The following NEK9 variants were observed in gnomAD, a reference collection of about 807,000 sequenced individuals.
NEK9 encodes serine/threonine-protein kinase Nek9.
NEK9 carries 75 observed loss-of-function variants against 123.4 expected under a neutral mutation model. The observed-to-expected ratio is 0.61, with a 90% CI of 0.50 to 0.74. The LOEUF (loss-of-function observed/expected upper bound fraction) is 0.74. Among genes scored for constraint, NEK9 ranks in the 30% least tolerant of loss-of-function variants. The probability of loss-of-function intolerance (pLI) is 0.00; values close to 1 mark genes in which losing one functional copy is unlikely to be tolerated. For missense variants in NEK9, 952 were observed against 1,214.4 expected, an observed-to-expected ratio of 0.78 and a Z score of 3.21; for synonymous variants, 438 against 458.7, an observed-to-expected ratio of 0.95 and a Z score of 0.58.
In NEK9 at chr14:75,126,835, A is replaced by C; in HGVS notation, c.87T>G (p.Ser29Arg). 6.5e-7 allele frequency: 1 copy of C among 1,533,372 alleles called. No homozygotes were observed. The highest frequency in any genetic ancestry group is 8.8e-7 in the Non-Finnish European group (1 of 1,140,512). The allele number at this position is 1,533,372 out of a possible 1,614,324, so 95.0% of individuals were successfully genotyped here. A position where few individuals can be genotyped will look rare whatever the true frequency, so the allele number is the denominator to read the frequency against. Residue 29 changes from serine to arginine, a missense_variant, in exon 1 of 22, where the codon AGT (serine) becomes AGG (arginine). Around this residue, in one of 4 missense-constraint regions of NEK9, gnomAD observed 120 missense variants for 97.6 expected, o/e 1.23. Transcript: ENST00000238616. ...GSESGGCGDS[S>R]PGPSASQGPR... Reference sequence around the variant, plus strand: ...GCCCCTGACTGGCGCTAGGCCCCGGACTCGAGTCCCCGCAACCCCCGGACT... The same window carrying C: ...GCCCCTGACTGGCGCTAGGCCCCGGCCTCGAGTCCCCGCAACCCCCGGACT...
At chr14:75,088,929 AG>A (rs1894116788) in intron 19 of NEK9, among the ~76,000 whole-genome samples, 1 of 152,192 alleles carries the variant, frequency 6.6e-6, no homozygotes, top group South Asian at 2.1e-4. Flanking sequence ...GGGCGCTCCA[AG>A]GAAGTGTCAG....
intron 16 of NEK9, 26 bp from the exon 17 acceptor site, chr14:75,097,296 C>T (rs957775780): frequency 1.3e-6 from 2 of 1,547,756 alleles, no homozygotes; most frequent in Non-Finnish European, 1.7e-6. Flanking sequence ...AACAGTAGAC[C>T]ATTTAACAGA....
At chr14:75,089,352 C>A (rs140875325) in intron 19 of NEK9, among the ~76,000 whole-genome samples, 1,618 of 151,930 alleles carry the variant, frequency 0.011, 27 homozygotes, top group African/African-American at 0.038. Flanking sequence ...TTCAGCCTCC[C>A]AAGTAGCTGG....
Position 75,103,929 on chromosome 14 carries a change from G to C in NEK9, c.1644C>G (p.Thr548=). ...QCGCDGTFLL[T]QSGKVLACGL... ...CACAGGCCAGCACTTTGCCTGACTGGGTCAACAGAAATGTCCCATCACAGC... is the reference window on the plus strand; with the variant it reads ...CACAGGCCAGCACTTTGCCTGACTGCGTCAACAGAAATGTCCCATCACAGC... The change falls in exon 14 of 22, where the codon ACC becomes ACG. Residue 548 remains threonine, a synonymous_variant. Transcript: ENST00000238616. 1.2e-6 allele frequency: 2 copies of C among 1,613,900 alleles called. No homozygotes were observed. Among genetic ancestry groups the C allele is most frequent in the Non-Finnish European group, 1.7e-6 (2 of 1,180,000 alleles).
chr14:75,126,927 C>T lies in NEK9; in HGVS notation c.-6G>A. The T allele has an allele frequency of 4.1e-6, 6 of 1,456,056 alleles. No homozygotes were observed. The highest frequency in any genetic ancestry group is 4.6e-6 in the Non-Finnish European group (5 of 1,097,628). The allele number at this position is 1,456,056 out of a possible 1,614,324, so 90.2% of individuals were successfully genotyped here. Reference sequence around the variant, plus strand: ...TACTCGCCCAGCACCGACATGGCGGCGGCCGCGGGCCTTGGGGACCAGCCT... The same window carrying T: ...TACTCGCCCAGCACCGACATGGCGGTGGCCGCGGGCCTTGGGGACCAGCCT... On this transcript the variant is annotated 5_prime_UTR_variant, in exon 1 of 22. Transcript: ENST00000238616.
chr14:75,126,093 T>C (rs1895514667), intron 1 of NEK9, among the ~76,000 whole-genome samples: 1 of 152,166 alleles, frequency 6.6e-6, no homozygotes, highest in Non-Finnish European at 1.5e-5. Flanking sequence ...GCTTAGAATA[T>C]ACCAACAAAG....
intron 20 of NEK9, 133 bp from the exon 21 acceptor site, chr14:75,087,363 G>GAT: frequency 1.6e-6 from 1 of 633,024 alleles, no homozygotes; most frequent in Non-Finnish European, 2.7e-6. Context: ...ATGAATATAT[G>GAT]TACGAGAAAC....
intron 6 of NEK9, among the ~76,000 whole-genome samples, chr14:75,115,056 C>A (rs1034976343): frequency 9.5e-6 from 1 of 105,362 alleles, no homozygotes; most frequent in Non-Finnish European, 2.0e-5. Context: ...TGTACATGTA[C>A]ACACACGTGT....
Position 75,113,520 on chromosome 14 carries a change from A to G in NEK9, c.874-117T>C, listed in dbSNP as rs557281116. On this transcript the variant is annotated intron_variant, in intron 7 of 21. Coordinates refer to ENST00000238616, the MANE Select transcript of NEK9 (RefSeq NM_033116.6). ...CCTTTTGTTTTAAAAATCATTTCTT[A>G]TGTGATACTCCATATTTTATGCTTC... 6 of 705,684 alleles carry G rather than the reference A, an allele frequency of 8.5e-6. No homozygotes were observed. In the Admixed American group the frequency reaches 1.3e-4, roughly 15 times the overall value. The allele number at this position is 705,684 out of a possible 1,614,324, so 43.7% of individuals were successfully genotyped here.
In NEK9 at chr14:75,084,676, T is replaced by G. The variant is rs754880645; in HGVS notation, c.2828A>C (p.His943Pro). Residue 943 changes from histidine (H) to proline (P), a missense_variant, in exon 22 of 22, where the codon CAT becomes CCT. His to Pro is a moderately conservative substitution (Grantham distance 77). Coordinates refer to ENST00000238616, the MANE Select transcript of NEK9 (RefSeq NM_033116.6). ...CTTTGCTGTCTGAGTTCCTTTGGAATGCATCCCCACCTGTCCGGATAAAAC... is the reference window on the plus strand; with the variant it reads ...CTTTGCTGTCTGAGTTCCTTTGGAAGGCATCCCCACCTGTCCGGATAAAAC... ...KLEGGQQVGM[H>P]SKGTQTAKEE... 6.2e-7 allele frequency: 1 copy of G among 1,614,004 alleles called. No homozygotes were observed. Among genetic ancestry groups the G allele is most frequent in the South Asian group, 1.1e-5 (1 of 91,086 alleles).
At chr14:75,121,826 C>G (rs1394448909) in intron 2 of NEK9, among the ~76,000 whole-genome samples, 1 of 152,180 alleles carries the variant, frequency 6.6e-6, no homozygotes, top group Middle Eastern at 3.4e-3. Flanking sequence ...GCTGGGATCG[C>G]ACCACTGCAC....
In NEK9 at chr14:75,080,327, T is replaced by TC. The variant is rs1393978316; in HGVS notation, c.*4236dup. The TC allele has an allele frequency of 1.9e-4, 17 of 89,524 alleles. No individual in the cohort carries two copies. In the South Asian group the frequency reaches 7.3e-3, roughly 38 times the overall value. The allele number at this position is 89,524 out of a possible 1,614,324, so 5.5% of individuals were successfully genotyped here. On this transcript the variant is annotated 3_prime_UTR_variant, in exon 22 of 22. Transcript: ENST00000238616. Reference sequence around the variant, plus strand: ...CCTGGTGACCTAGTAAGAATCCATCTCAAAAAAAAAAAAAGAAAAAAAAAA... The same window carrying TC: ...CCTGGTGACCTAGTAAGAATCCATCTCCAAAAAAAAAAAAAGAAAAAAAAAA...
intron 21 of NEK9, 105 bp downstream of exon 21, chr14:75,086,913 A>G: frequency 8.2e-7 from 1 of 1,213,470 alleles, no homozygotes; most frequent in Non-Finnish European, 1.2e-6. Context: ...TCAAAAAAAA[A>G]GTAAGGACCT....
intron 2 of NEK9, among the ~76,000 whole-genome samples, chr14:75,122,021 T>C (rs1194004151): frequency 6.6e-6 from 1 of 152,246 alleles, no homozygotes; most frequent in Non-Finnish European, 1.5e-5. Context: ...CTTTACTAAT[T>C]TCTTCCTGTG....
At chr14:75,087,538 TAGGG>T (rs928966363) in intron 20 of NEK9, among the ~76,000 whole-genome samples, 4 of 152,144 alleles carry the variant, frequency 2.6e-5, no homozygotes, top group Non-Finnish European at 4.4e-5. Context: ...AATGCTGAAG[TAGGG>T]AAAAGCATGA....
At chr14:75,112,925 T>G (rs1304803004) in intron 8 of NEK9, among the ~76,000 whole-genome samples, 1 of 152,244 alleles carries the variant, frequency 6.6e-6, no homozygotes, top group Non-Finnish European at 1.5e-5. Context: ...TTATGCGTTA[T>G]CTTCTTTAAT....
rs1189374585 is a variant in NEK9 at position 75,100,222 on chromosome 14, G to A, written c.2002+770C>T. The stretch of plus-strand genomic sequence containing the variant: ...AGCACTTTGGGAGGCCGAGGCAAGC[G>A]GATCACCTGAGGTTGGGAGTTCGAG... On this transcript the variant is annotated intron_variant, in intron 16 of 21. Coordinates refer to ENST00000238616, the MANE Select transcript of NEK9 (RefSeq NM_033116.6). 4.8e-5 allele frequency among the ~76,000 whole-genome samples: 7 copies of A among 145,064 alleles called. No homozygotes were observed. In the East Asian group the frequency reaches 1.0e-3, roughly 21 times the overall value.
intron 4 of NEK9, among the ~76,000 whole-genome samples, chr14:75,119,654 C>T (rs1895259077): frequency 6.6e-6 from 1 of 152,136 alleles, no homozygotes. Context: ...TGGTTGGTGT[C>T]AAAGTTTCAA....
intron 14 of NEK9, among the ~76,000 whole-genome samples, chr14:75,102,770 C>T (rs1488004072): frequency 2.0e-5 from 3 of 152,148 alleles, no homozygotes; most frequent in Non-Finnish European, 2.9e-5. Context: ...TTACCTTTTT[C>T]ATTGAGTCAG....
Sources: gnomAD v4.1 joint callset for allele counts (sites outside exome capture counted in the v4.1 genomes callset) on GRCh38, gnomAD v4.1.1 for gene constraint, gnomAD v4.1.1 regional missense constraint, MANE v1.5 for transcripts, NCBI Gene and HGNC (gene_info 2026-07-23, HGNC 2026-07-21) for gene names.